The following FANCB variants were observed in gnomAD, a reference collection of about 807,000 sequenced individuals.
The protein encoded by FANCB is Fanconi anemia group B protein.
FANCB carries 5 observed loss-of-function variants against 38.9 expected under a neutral mutation model. The observed-to-expected ratio is 0.13, with a 90% CI of 0.07 to 0.27. FANCB has a LOEUF of 0.27. FANCB is among the 10% of genes least tolerant of loss of function. The pLI is 1.00. For missense variants in FANCB, 573 were observed against 602.7 expected (o/e 0.95, Z 0.52); for synonymous variants, 236 against 215.4 (o/e 1.10, Z -0.84).
the FANCB span, among the ~76,000 whole-genome samples, chrX:14,693,529 T>C: frequency 8.9e-6 from 1 of 112,005 alleles, no homozygotes; most frequent in Non-Finnish European, 1.9e-5. Context: ...TAGTGAGGAA[T>C]TGTAATATAC....
chrX:14,837,410 C>T (rs2092344140), intron 10 of FANCB, among the ~76,000 whole-genome samples: 1 of 112,129 alleles, frequency 8.9e-6, no homozygotes, highest in Non-Finnish European at 1.9e-5. Context: ...AAAACATGAA[C>T]CAGCAATGGT....
the FANCB span, among the ~76,000 whole-genome samples, chrX:14,716,022 C>T: frequency 1.2e-4 from 13 of 111,418 alleles, no homozygotes; most frequent in Non-Finnish European, 1.7e-4. Flanking sequence ...AAGCACAGGA[C>T]CCTTCTAAGC....
the FANCB span, among the ~76,000 whole-genome samples, chrX:14,724,898 C>T: frequency 9.0e-6 from 1 of 111,382 alleles, no homozygotes; most frequent in Non-Finnish European, 1.9e-5. Flanking sequence ...TTCTGCAAAG[C>T]TCAGTCAGAT....
At chrX:14,807,268 C>A in the FANCB span, among the ~76,000 whole-genome samples, 1 of 112,420 alleles carries the variant, frequency 8.9e-6, no homozygotes, top group Non-Finnish European at 1.9e-5. Context: ...GCCCCAACAA[C>A]TATATGTGAG....
the FANCB span, among the ~76,000 whole-genome samples, chrX:14,726,233 C>T: frequency 8.9e-6 from 1 of 111,773 alleles, no homozygotes; most frequent in Non-Finnish European, 1.9e-5. Flanking sequence ...TTATTCTGAA[C>T]CTGCTAGAAA....
rs751167694 is a variant in FANCB at position 14,848,829 on chromosome X, T to TA, written c.1496+1675dup. Among the ~76,000 whole-genome samples the TA allele has an allele frequency of 3.0e-3, 336 of 111,087 alleles. 1 individual carries two copies. The highest frequency in any genetic ancestry group is 1.0e-2 in the African/African-American group (303 of 30,450). ...AACGACCCTAAATCCCTCACTAACC[T>TA]ACCCCCGCCCTCACTAACCTTAATA... On this transcript the variant is annotated intron_variant, in intron 7 of 9. Transcript: ENST00000650831.
chrX:14,824,715 G>A, the FANCB span, among the ~76,000 whole-genome samples: 15 of 112,245 alleles, frequency 1.3e-4, no homozygotes, highest in Admixed American at 1.0e-3. Flanking sequence ...CTTCTAGAAC[G>A]TAGTAACTTA....
chrX:14,864,657 C>A lies in FANCB; in HGVS notation c.854G>T (p.Cys285Phe). ...NVCQLPFGDP[C>F]AVQLMDSGGG... ...ACCTGAATCCATAAGTTGAACTGCACAAGGATCTCCAAATGGAAGCTGGCA... is the reference window on the plus strand; with the variant it reads ...ACCTGAATCCATAAGTTGAACTGCAAAAGGATCTCCAAATGGAAGCTGGCA... Residue 285 changes from cysteine to phenylalanine, a missense_variant, in exon 3 of 10, where the codon TGT (cysteine) becomes TTT (phenylalanine). By Grantham distance (205) the Cys-to-Phe change is radical. Transcript: ENST00000650831. 8.3e-7 allele frequency: 1 copy of A among 1,209,109 alleles called. No individual in the cohort carries two copies. The highest frequency in any genetic ancestry group is 3.0e-5 in the East Asian group (1 of 33,823).
At chrX:14,739,167 AT>A in the FANCB span, among the ~76,000 whole-genome samples, 3 of 111,926 alleles carry the variant, frequency 2.7e-5, no homozygotes, top group Non-Finnish European at 5.6e-5. Context: ...CAAGCAATAT[AT>A]TTTTTCATAG....
At chrX:14,848,849 TTAA>T (rs1448715720) in intron 7 of FANCB, among the ~76,000 whole-genome samples, 1 of 110,891 alleles carries the variant, frequency 9.0e-6, no homozygotes, top group Non-Finnish European at 1.9e-5. Flanking sequence ...CTCACTAACC[TTAA>T]TAATAAATGC....
the FANCB span, among the ~76,000 whole-genome samples, chrX:14,782,552 T>C: frequency 1.8e-5 from 2 of 111,906 alleles, no homozygotes; most frequent in African/African-American, 6.5e-5. Context: ...GTCAGAACTA[T>C]TAAGAGGTGA....
At chrX:14,870,360 C>A (rs913686351) in intron 1 of FANCB, among the ~76,000 whole-genome samples, 7 of 111,150 alleles carry the variant, frequency 6.3e-5, no homozygotes, top group African/African-American at 2.0e-4. Flanking sequence ...ACTATTCTAG[C>A]CTATGGGCTA....
At chrX:14,754,464 G>C in the FANCB span, among the ~76,000 whole-genome samples, 2 of 111,830 alleles carry the variant, frequency 1.8e-5, no homozygotes, top group Admixed American at 1.9e-4. Flanking sequence ...AATCTATTAC[G>C]AAAACATAAT....
At chrX:14,714,714 C>T in the FANCB span, among the ~76,000 whole-genome samples, 3 of 112,268 alleles carry the variant, frequency 2.7e-5, no homozygotes, top group East Asian at 8.4e-4. Context: ...CATGTGTGAT[C>T]AAGGCAATGA....
At chrX:14,700,106 G>A in the FANCB span, among the ~76,000 whole-genome samples, 1 of 111,550 alleles carries the variant, frequency 9.0e-6, no homozygotes, top group Non-Finnish European at 1.9e-5. Context: ...ATGACCCTCA[G>A]TGTGGGATAG....
At chrX:14,842,962 C>T (rs930955859), downstream of FANCB, among the ~76,000 whole-genome samples, 1 of 111,632 alleles carries the variant, frequency 9.0e-6, no homozygotes, top group Non-Finnish European at 1.9e-5. Flanking sequence ...AGACAATCTG[C>T]CATTTAAATT....
chrX:14,757,591 G>C, the FANCB span, among the ~76,000 whole-genome samples: 4 of 111,784 alleles, frequency 3.6e-5, no homozygotes, highest in African/African-American at 1.3e-4. Flanking sequence ...TCCAGATCAC[G>C]GGAAAAGGAT....
At chrX:14,854,094 C>T (rs2092413173) in intron 5 of FANCB, among the ~76,000 whole-genome samples, 1 of 111,729 alleles carries the variant, frequency 9.0e-6, no homozygotes, top group Admixed American at 9.5e-5. Flanking sequence ...TGAATTATTC[C>T]TATATGTTAC....
the FANCB span, among the ~76,000 whole-genome samples, chrX:14,753,392 T>C: frequency 1.8e-5 from 2 of 112,617 alleles, no homozygotes; most frequent in Non-Finnish European, 3.7e-5. Context: ...TACAATAGAA[T>C]TATTTATCTA....
Sources: allele counts gnomAD v4.1 joint callset (sites outside exome capture counted in the v4.1 genomes callset), GRCh38; gene constraint gnomAD v4.1.1; transcripts MANE v1.5; gene names NCBI Gene and HGNC (gene_info 2026-07-23, HGNC 2026-07-21).